Variants in EDIL3 observed in about 807,000 individuals in gnomAD.
EDIL3 encodes EGF like and discoidin domains 3, also known as EGF-like repeat and discoidin I-like domain-containing protein 3.
In EDIL3, 37 loss-of-function variants were observed where a neutral mutation model predicts 67.4. The observed-to-expected ratio is 0.55, with a 90% confidence interval of 0.42 to 0.72. The LOEUF is 0.72. Ranked by LOEUF, EDIL3 falls within the 30% of genes least tolerant of loss-of-function variation. The pLI, the probability that EDIL3 is intolerant of heterozygous loss-of-function variation, is 0.00. For missense variants in EDIL3, 527 were observed against 586.3 expected (o/e 0.90, Z 1.04); for synonymous variants, 195 against 196.3 (o/e 0.99, Z 0.05).
At chr5:83,973,197 T>C (rs1355302101) in intron 9 of EDIL3, among the ~76,000 whole-genome samples, 1 of 152,074 alleles carries the variant, frequency 6.6e-6, no homozygotes, top group East Asian at 1.9e-4. Flanking sequence ...CTGGGGACTT[T>C]GACTTATTAC....
At chr5:84,108,730 T>A (rs969167894) in intron 5 of EDIL3, among the ~76,000 whole-genome samples, 5 of 152,154 alleles carry the variant, frequency 3.3e-5, no homozygotes, top group African/African-American at 1.2e-4. Context: ...AATATTGTCA[T>A]CAAAGGGGTC....
intron 10 of EDIL3, among the ~76,000 whole-genome samples, chr5:83,952,983 G>T (rs1444511876): frequency 6.6e-6 from 1 of 151,766 alleles, no homozygotes; most frequent in Non-Finnish European, 1.5e-5. Context: ...ATTAGGGAGA[G>T]GAGACAATCC....
intron 1 of EDIL3, among the ~76,000 whole-genome samples, chr5:84,333,284 G>C (rs922926775): frequency 8.6e-5 from 13 of 152,030 alleles, no homozygotes; most frequent in Non-Finnish European, 7.4e-5. Context: ...ATTGAACTTT[G>C]TATATAACAA....
rs1381048249 is a variant in EDIL3, at chr5:84,384,623, C to G, written c.-249G>C. The G allele has an allele frequency of 3.3e-6, 1 of 305,628 alleles. No individual in the cohort carries two copies. Among genetic ancestry groups the G allele is most frequent in the Non-Finnish European group, 6.0e-6 (1 of 167,422 alleles). 18.9% of individuals were successfully genotyped at this position (305,628 alleles called of 1,614,324 possible). A position where few individuals can be genotyped will look rare whatever the true frequency, so the allele number is the denominator to read the frequency against. On this transcript the variant is annotated 5_prime_UTR_variant, in exon 1 of 11. Coordinates refer to ENST00000296591, the MANE Select transcript of EDIL3 (RefSeq NM_005711.5). The stretch of plus-strand genomic sequence containing the variant: ...AGGTGGGTGAGCTCCGGGGAGCCGC[C>G]GGCGGGCTCAGCCCTCCGCTGCGGG...
chr5:84,363,039 A>T (rs1419263240), intron 1 of EDIL3, among the ~76,000 whole-genome samples: 1 of 152,126 alleles, frequency 6.6e-6, no homozygotes, highest in Non-Finnish European at 1.5e-5. Context: ...CTAACTGAAG[A>T]GGTAATTTAA....
rs116315659 is a variant in EDIL3, at chr5:84,130,740, T to C, written c.469+6501A>G. On this transcript the variant is annotated intron_variant, in intron 5 of 10. Coordinates refer to ENST00000296591, the MANE Select transcript of EDIL3 (RefSeq NM_005711.5). ...ATCACTGCAAACATTCATTTGCTTGTCATTCGCTAAGATACCTGATCAAAT... is the reference window on the plus strand; with the variant it reads ...ATCACTGCAAACATTCATTTGCTTGCCATTCGCTAAGATACCTGATCAAAT... 8.4e-3 allele frequency among the ~76,000 whole-genome samples: 1,284 copies of C among 152,228 alleles called. 4 individuals carry two copies. Among genetic ancestry groups the C allele is most frequent in the Middle Eastern group, 0.014 (4 of 292 alleles).
At chr5:84,205,719 T>C (rs1743960815) in intron 3 of EDIL3, among the ~76,000 whole-genome samples, 1 of 152,176 alleles carries the variant, frequency 6.6e-6, no homozygotes, top group African/African-American at 2.4e-5. Flanking sequence ...TGTAGTATTC[T>C]CTGATGGTAG....
chr5:83,958,643 A>G (rs1744555113), intron 10 of EDIL3, among the ~76,000 whole-genome samples: 2 of 151,478 alleles, frequency 1.3e-5, no homozygotes, highest in Admixed American at 1.3e-4. Flanking sequence ...GTTATGACTA[A>G]TATACTGGAT....
chr5:84,154,323 A>G (rs1356351227), intron 4 of EDIL3, among the ~76,000 whole-genome samples: 1 of 152,174 alleles, frequency 6.6e-6, no homozygotes, highest in Non-Finnish European at 1.5e-5. Flanking sequence ...TTTTACATTA[A>G]TTCCTCAATA....
At chr5:84,043,548 A>G (rs1746169310) in intron 9 of EDIL3, among the ~76,000 whole-genome samples, 1 of 152,226 alleles carries the variant, frequency 6.6e-6, no homozygotes, top group Admixed American at 6.5e-5. Context: ...AAGGCTGTTA[A>G]GGTTAAACCA....
chr5:84,351,470 C>G (rs1037708911), intron 1 of EDIL3, among the ~76,000 whole-genome samples: 14 of 152,200 alleles, frequency 9.2e-5, no homozygotes, highest in African/African-American at 3.4e-4. Flanking sequence ...GGCTTTAGTT[C>G]CTAAGATCCT....
chr5:84,193,056 G>GTTTGTTT, intron 3 of EDIL3, among the ~76,000 whole-genome samples: 1 of 151,866 alleles, frequency 6.6e-6, no homozygotes, highest in Non-Finnish European at 1.5e-5. Context: ...TAAAGAAACA[G>GTTTGTTT]GGACCAAACC....
intron 7 of EDIL3, 137 bp from the exon 8 acceptor site, chr5:84,064,981 A>T: frequency 8.7e-7 from 1 of 1,146,572 alleles, no homozygotes; most frequent in South Asian, 2.2e-5. Flanking sequence ...AGCATTTGAG[A>T]AGTGCCTTGC....
At chr5:84,227,283 G>A (rs1744469397) in intron 3 of EDIL3, among the ~76,000 whole-genome samples, 1 of 151,980 alleles carries the variant, frequency 6.6e-6, no homozygotes, top group Non-Finnish European at 1.5e-5. Context: ...GACATGGACA[G>A]ACACTTATCA....
intron 1 of EDIL3, among the ~76,000 whole-genome samples, chr5:84,338,978 G>GTAGA (rs138116428): frequency 0.017 from 2,545 of 152,074 alleles, 72 homozygotes; most frequent in African/African-American, 0.058. Context: ...AAATAGATCT[G>GTAGA]TCACTATTCA....
At chr5:84,101,296 T>A (rs1747362177) in intron 6 of EDIL3, among the ~76,000 whole-genome samples, 2 of 152,110 alleles carry the variant, frequency 1.3e-5, no homozygotes, top group Admixed American at 1.3e-4. Flanking sequence ...TTAACCTGTT[T>A]GATTCAAGCT....
chr5:84,063,038 G>A (rs1025234039), intron 8 of EDIL3, among the ~76,000 whole-genome samples: 1 of 152,126 alleles, frequency 6.6e-6, no homozygotes, highest in Non-Finnish European at 1.5e-5. Flanking sequence ...TGTGCTGGGA[G>A]ATGCAGCACT....
intron 9 of EDIL3, among the ~76,000 whole-genome samples, chr5:84,011,521 A>G (rs941396956): frequency 3.9e-5 from 6 of 152,134 alleles, no homozygotes; most frequent in Admixed American, 6.6e-5. Context: ...ATATGCCAAC[A>G]TTACCTTTTA....
At chr5:84,237,624 T>C (rs773195956) in intron 2 of EDIL3, among the ~76,000 whole-genome samples, 8 of 152,158 alleles carry the variant, frequency 5.3e-5, no homozygotes, top group Non-Finnish European at 1.2e-4. Flanking sequence ...ATTTGAATCA[T>C]GGTAGAAACA....
Sources: gnomAD v4.1 joint callset for allele counts (sites outside exome capture counted in the v4.1 genomes callset) on GRCh38, gnomAD v4.1.1 for gene constraint, MANE v1.5 for transcripts, NCBI Gene and HGNC (gene_info 2026-07-23, HGNC 2026-07-21) for gene names.